BLTP1: variants seen among roughly 807,000 people sequenced by gnomAD.
BLTP1 encodes bridge-like lipid transfer protein family member 1.
chr4:122,206,025 A>T, the BLTP1 span: 1 of 983,686 alleles, frequency 1.0e-6, no homozygotes, highest in South Asian at 4.7e-5. Context: ...GCTTTTATTT[A>T]TTGGGATTAA....
the BLTP1 span, chr4:122,207,514 C>CTTTT: frequency 3.4e-4 from 441 of 1,286,558 alleles, no homozygotes; most frequent in South Asian, 1.2e-3. Context: ...ACTTTTTCTT[C>CTTTT]TTTTTTTTTT....
the BLTP1 span, among the ~76,000 whole-genome samples, chr4:122,290,295 G>A: frequency 6.6e-6 from 1 of 152,106 alleles, no homozygotes; most frequent in Non-Finnish European, 1.5e-5. Context: ...AATCATTAAG[G>A]AAGAAATAAA....
chr4:122,170,510 A>G, the BLTP1 span: 1 of 1,334,424 alleles, frequency 7.5e-7, no homozygotes, highest in Non-Finnish European at 9.7e-7. Context: ...CAGAAAGGTG[A>G]TTTAATCAAC....
the BLTP1 span, among the ~76,000 whole-genome samples, chr4:122,236,127 G>T: frequency 6.6e-6 from 1 of 152,182 alleles, no homozygotes; most frequent in African/African-American, 2.4e-5. Flanking sequence ...CACACAAAAA[G>T]ATAGGAAAGG....
At chr4:122,198,518 T>A in the BLTP1 span, 1 of 871,118 alleles carries the variant, frequency 1.1e-6, no homozygotes, top group Non-Finnish European at 1.4e-6. Flanking sequence ...TTTTTACTGT[T>A]TTATGCAGTA....
the BLTP1 span, among the ~76,000 whole-genome samples, chr4:122,329,245 C>A: frequency 1.7e-4 from 26 of 151,712 alleles, no homozygotes; most frequent in African/African-American, 6.0e-4. Flanking sequence ...GAACAGAATT[C>A]TAGTCTAATA....
At chr4:122,244,665 A>G in the BLTP1 span, 9 of 980,014 alleles carry the variant, frequency 9.2e-6, no homozygotes, top group Non-Finnish European at 8.5e-6. Flanking sequence ...TTTCATGAAA[A>G]TCTTCCTTTT....
chr4:122,310,243 TA>T, the BLTP1 span, among the ~76,000 whole-genome samples: 34 of 152,222 alleles, frequency 2.2e-4, no homozygotes, highest in African/African-American at 7.9e-4. Context: ...AAATTTCTAT[TA>T]TTTTTACAAA....
chr4:122,207,269 A>G, the BLTP1 span: 16 of 1,596,042 alleles, frequency 1.0e-5, no homozygotes, highest in Non-Finnish European at 1.4e-5. Flanking sequence ...GAAAATGGTA[A>G]GACATTAAAA....
chr4:122,339,176 C>T, the BLTP1 span: 13 of 1,597,874 alleles, frequency 8.1e-6, no homozygotes, highest in South Asian at 1.0e-4. Context: ...TATCCAGTTC[C>T]TAGAAACCTT....
At chr4:122,275,321 A>G in the BLTP1 span, among the ~76,000 whole-genome samples, 6 of 152,074 alleles carry the variant, frequency 3.9e-5, no homozygotes. Context: ...TTACAGAACA[A>G]TAAATTGAGG....
chr4:122,235,770 A>T, the BLTP1 span: 1 of 152,196 alleles, frequency 6.6e-6, no homozygotes, highest in East Asian at 1.9e-4. Flanking sequence ...GCGCCACTGC[A>T]CTCCAGCCTG....
the BLTP1 span, among the ~76,000 whole-genome samples, chr4:122,358,206 T>C: frequency 4.2e-3 from 634 of 152,306 alleles, 2 homozygotes; most frequent in African/African-American, 0.014. Context: ...ACCTGTGAAG[T>C]TCAGAATTAT....
chr4:122,248,777 G>A, the BLTP1 span, among the ~76,000 whole-genome samples: 1 of 151,936 alleles, frequency 6.6e-6, no homozygotes, highest in Non-Finnish European at 1.5e-5. Context: ...ATTATTTACT[G>A]TTGCATGAAA....
the BLTP1 span, chr4:122,328,182 T>C: frequency 6.2e-7 from 1 of 1,611,224 alleles, no homozygotes; most frequent in Non-Finnish European, 8.5e-7. Flanking sequence ...TAGTGAAGGA[T>C]CATGTTCTGT....
chr4:122,355,776 CTTT>C, the BLTP1 span: 1 of 1,576,814 alleles, frequency 6.3e-7, no homozygotes, highest in South Asian at 1.2e-5. Context: ...TTGACTCTCT[CTTT>C]ATCATTATGC....
the BLTP1 span, chr4:122,350,356 G>GT: frequency 1.0e-6 from 1 of 985,100 alleles, no homozygotes; most frequent in Non-Finnish European, 1.2e-6. Context: ...TCATGTTCTG[G>GT]TTTAGAATGT....
At chr4:122,234,906 C>T in the BLTP1 span, 32 of 1,612,866 alleles carry the variant, frequency 2.0e-5, no homozygotes, top group Non-Finnish European at 2.6e-5. Flanking sequence ...AGAGTTGACA[C>T]CTTCCAGTAG....
the BLTP1 span, chr4:122,352,942 T>C: frequency 1.2e-6 from 2 of 1,614,016 alleles, no homozygotes; most frequent in South Asian, 2.2e-5. Flanking sequence ...GCCTGGAGTA[T>C]TGAAGGTGGT....
Sources: gnomAD v4.1 joint callset for allele counts (sites outside exome capture counted in the v4.1 genomes callset) on GRCh38, gnomAD v4.1.1 for gene constraint, MANE v1.5 for transcripts, NCBI Gene and HGNC (gene_info 2026-07-23, HGNC 2026-07-21) for gene names.